Variants in BAIAP2L1 observed in about 807,000 individuals in gnomAD.
The protein encoded by BAIAP2L1 is BAR/IMD domain containing adaptor protein 2 like 1.
Under a neutral mutation model 66.3 loss-of-function variants are expected in BAIAP2L1, and 35 were observed. The ratio of observed to expected loss-of-function variants is 0.53; its 90% CI spans 0.40 to 0.70. The LOEUF is 0.70. BAIAP2L1 is among the 30% of genes least tolerant of loss of function. The pLI is 0.00. For synonymous variants in BAIAP2L1, 269 were observed against 248.7 expected (o/e 1.08, Z -0.77); for missense variants, 622 against 656.9 (o/e 0.95, Z 0.58).
chr7:98,323,502 T>A (rs560317354), intron 3 of BAIAP2L1: 1 of 152,358 alleles, frequency 6.6e-6, no homozygotes, highest in South Asian at 2.1e-4. Context: ...ACTGTTCTCT[T>A]TCATGAACTT....
chr7:98,346,432 G>T (rs1801874678), intron 3 of BAIAP2L1, among the ~76,000 whole-genome samples: 1 of 152,140 alleles, frequency 6.6e-6, no homozygotes, highest in African/African-American at 2.4e-5. Flanking sequence ...TTGCTAAGAT[G>T]TCAACTCCAC....
chr7:98,292,931 G>A lies in BAIAP2L1; in HGVS notation c.*590C>T. ...TGATAAGGGCAGGCAAAGCGTCTTA[G>A]CACTCTACAGCTCTGGCGTGGTTGG... On this transcript the variant is annotated 3_prime_UTR_variant, in exon 14 of 14. Coordinates refer to ENST00000005260, the MANE Select transcript of BAIAP2L1 (RefSeq NM_018842.5). The A allele has an allele frequency of 1.5e-6, 2 of 1,352,378 alleles. No homozygotes were observed. Among genetic ancestry groups the A allele is most frequent in the Non-Finnish European group, 1.9e-6 (2 of 1,053,276 alleles). The allele number at this position is 1,352,378 out of a possible 1,614,324, so 83.8% of individuals were successfully genotyped here.
intron 3 of BAIAP2L1, 38 bp downstream of exon 3, chr7:98,355,004 A>C (rs1187731637): frequency 6.7e-7 from 1 of 1,484,670 alleles, no homozygotes; most frequent in African/African-American, 1.4e-5. Context: ...TCACAGGATG[A>C]CAAGTGGGGT....
intron 12 of BAIAP2L1, 130 bp from the exon 13 acceptor site, chr7:98,294,241 C>T (rs1800091627): frequency 1.1e-6 from 1 of 887,416 alleles, no homozygotes; most frequent in South Asian, 1.6e-5. Context: ...GATCCTTCCA[C>T]CTTGGCCTCC....
intron 1 of BAIAP2L1, among the ~76,000 whole-genome samples, chr7:98,366,708 A>G (rs191765330): frequency 1.3e-5 from 2 of 152,326 alleles, no homozygotes; most frequent in East Asian, 3.9e-4. Flanking sequence ...CTCACCTGGT[A>G]TCACTAGACG....
At chr7:98,321,849 C>G (rs188146804) in intron 3 of BAIAP2L1, among the ~76,000 whole-genome samples, 510 of 152,322 alleles carry the variant, frequency 3.3e-3, no homozygotes, top group African/African-American at 0.012. Flanking sequence ...GTCATCCTAG[C>G]ACTTTTGGGA....
intron 3 of BAIAP2L1, among the ~76,000 whole-genome samples, chr7:98,348,228 C>T (rs1468490277): frequency 6.6e-6 from 1 of 151,980 alleles, no homozygotes; most frequent in Non-Finnish European, 1.5e-5. Flanking sequence ...AAAACAAAGA[C>T]ACAATGGAGA....
chr7:98,322,344 AC>A (rs2116910004), intron 3 of BAIAP2L1, among the ~76,000 whole-genome samples: 1 of 152,250 alleles, frequency 6.6e-6, no homozygotes, highest in African/African-American at 2.4e-5. Context: ...GAACACGACC[AC>A]GCAGACGTCC....
Position 98,291,826 on chromosome 7 carries a change from C to T in BAIAP2L1, c.*1695G>A, listed in dbSNP as rs1396048550. 6.5e-6 allele frequency: 1 copy of T among 153,098 alleles called. No homozygotes were observed. The highest frequency in any genetic ancestry group is 6.5e-5 in the Admixed American group (1 of 15,346). 9.5% of individuals were successfully genotyped at this position (153,098 alleles called of 1,614,324 possible). Reference sequence around the variant, plus strand: ...GACCCCCAGGTCCTATTCTTCCACCCCGTAACAAAACCAGAAACCTCCCCA... The same window carrying T: ...GACCCCCAGGTCCTATTCTTCCACCTCGTAACAAAACCAGAAACCTCCCCA... On this transcript the variant is annotated 3_prime_UTR_variant, in exon 14 of 14. Coordinates refer to ENST00000005260, the MANE Select transcript of BAIAP2L1 (RefSeq NM_018842.5).
intron 6 of BAIAP2L1, among the ~76,000 whole-genome samples, chr7:98,316,179 C>T (rs1801070964): frequency 6.6e-6 from 1 of 152,158 alleles, no homozygotes; most frequent in Non-Finnish European, 1.5e-5. Flanking sequence ...TTGCCTGCTG[C>T]CATCCATGTA....
At chr7:98,302,931 T>G (rs965341070) in intron 12 of BAIAP2L1, among the ~76,000 whole-genome samples, 1 of 152,112 alleles carries the variant, frequency 6.6e-6, no homozygotes, top group Admixed American at 6.6e-5. Flanking sequence ...ACTACAGACA[T>G]GTGCCACCGT....
chr7:98,367,964 T>C (rs888856949), intron 1 of BAIAP2L1, among the ~76,000 whole-genome samples: 1 of 152,000 alleles, frequency 6.6e-6, no homozygotes, highest in Admixed American at 6.6e-5. Context: ...TACATGTAGG[T>C]TGCCACGACC....
intron 2 of BAIAP2L1, among the ~76,000 whole-genome samples, chr7:98,358,324 C>A (rs942885527): frequency 6.6e-6 from 1 of 151,414 alleles, no homozygotes; most frequent in African/African-American, 2.4e-5. Flanking sequence ...TTTTCTACTA[C>A]TTATTGTTTT....
At chr7:98,372,740 T>G (rs1029691869) in intron 1 of BAIAP2L1, among the ~76,000 whole-genome samples, 2 of 144,710 alleles carry the variant, frequency 1.4e-5, no homozygotes, top group East Asian at 2.0e-4. Context: ...TTGGTTTTTT[T>G]TTTTTTTTTT....
chr7:98,371,111 G>T (rs1244931841), intron 1 of BAIAP2L1, among the ~76,000 whole-genome samples: 1 of 152,084 alleles, frequency 6.6e-6, no homozygotes, highest in Non-Finnish European at 1.5e-5. Flanking sequence ...TTTAATTTAA[G>T]TTTGGCACTA....
chr7:98,335,967 C>G (rs2115608313), intron 3 of BAIAP2L1, among the ~76,000 whole-genome samples: 1 of 152,302 alleles, frequency 6.6e-6, no homozygotes, highest in South Asian at 2.1e-4. Flanking sequence ...CTAAATCCTC[C>G]TTAAAAAGGG....
chr7:98,297,937 T>TA (rs1800258094), intron 12 of BAIAP2L1, among the ~76,000 whole-genome samples: 1 of 152,016 alleles, frequency 6.6e-6, no homozygotes, highest in African/African-American at 2.4e-5. Flanking sequence ...ATACGTAAAT[T>TA]AAAAAAATTC....
chr7:98,398,743 C>T (rs1006723166), intron 1 of BAIAP2L1, among the ~76,000 whole-genome samples: 1 of 152,098 alleles, frequency 6.6e-6, no homozygotes, highest in Non-Finnish European at 1.5e-5. Flanking sequence ...CGCCTTGGTA[C>T]GGTCCCTCTA....
In BAIAP2L1 at chr7:98,318,744, ACCAG is replaced by A. The variant is rs534418093; in HGVS notation, c.348+1310_348+1313del. Among the ~76,000 whole-genome samples the A allele has an allele frequency of 1.9e-3, 283 of 150,136 alleles. 1 individual carries two copies. Among genetic ancestry groups the A allele is most frequent in the African/African-American group, 6.4e-3 (264 of 41,032 alleles). On this transcript the variant is annotated intron_variant, in intron 5 of 13. Coordinates refer to ENST00000005260, the MANE Select transcript of BAIAP2L1 (RefSeq NM_018842.5). ...TGCACCACGAGGTCAGAAGTTTGAG[ACCAG>A]CCTGGCTAAAATGGTGAAACCCCGT...
Sources: gnomAD v4.1 joint callset for allele counts (sites outside exome capture counted in the v4.1 genomes callset) on GRCh38, gnomAD v4.1.1 for gene constraint, MANE v1.5 for transcripts, NCBI Gene and HGNC (gene_info 2026-07-23, HGNC 2026-07-21) for gene names.